The following COBLL1 variants were observed in gnomAD, a reference collection of about 807,000 sequenced individuals.
The protein encoded by COBLL1 is cordon-bleu WH2 repeat protein like 1, also known as cordon-bleu protein-like 1.
A neutral mutation model predicts 94.8 loss-of-function variants in COBLL1; 50 were observed. That is an observed-to-expected ratio of 0.53 (90% CI 0.42 to 0.67). COBLL1 has a LOEUF of 0.67. Ranked by LOEUF, COBLL1 falls within the 30% of genes least tolerant of loss-of-function variation. The pLI, the probability that COBLL1 is intolerant of heterozygous loss-of-function variation, is 0.00. For synonymous variants in COBLL1, 448 were observed against 473.8 expected, an observed-to-expected ratio of 0.95 and a Z score of 0.71; for missense variants, 1,362 against 1,348.7, an observed-to-expected ratio of 1.01 and a Z score of -0.15.
chr2:164,810,275 C>A (rs1684398172), intron 2 of COBLL1, among the ~76,000 whole-genome samples: 1 of 150,904 alleles, frequency 6.6e-6, no homozygotes, highest in Admixed American at 6.6e-5. Flanking sequence ...GGATTTGGGG[C>A]TGGAGAGGTA....
At chr2:164,671,606 C>T (rs538563217) in intron 1 of COBLL1, among the ~76,000 whole-genome samples, 53 of 152,190 alleles carry the variant, frequency 3.5e-4, no homozygotes, top group East Asian at 2.7e-3. Flanking sequence ...TTATTATTTT[C>T]GATATCTGTC....
At chr2:164,813,339 CA>C (rs1684550928) in intron 2 of COBLL1, among the ~76,000 whole-genome samples, 2 of 152,104 alleles carry the variant, frequency 1.3e-5, no homozygotes, top group Admixed American at 1.3e-4. Context: ...AAAGACCTCA[CA>C]GGGGTAACCA....
chr2:164,760,051 T>C (rs2105613816), intron 2 of COBLL1, among the ~76,000 whole-genome samples: 1 of 152,272 alleles, frequency 6.6e-6, no homozygotes, highest in African/African-American at 2.4e-5. Context: ...CTCCTAGGTA[T>C]TTGCACAAGA....
chr2:164,750,860 C>T (rs957950530), intron 2 of COBLL1, among the ~76,000 whole-genome samples: 9 of 152,128 alleles, frequency 5.9e-5, no homozygotes, highest in Admixed American at 6.6e-5. Context: ...AAGGGCAGGG[C>T]CTTACAATCC....
At chr2:164,771,261 T>A (rs1688188931) in intron 2 of COBLL1, among the ~76,000 whole-genome samples, 3 of 152,044 alleles carry the variant, frequency 2.0e-5, no homozygotes, top group Admixed American at 2.0e-4. Flanking sequence ...ACATCAACAG[T>A]ATGACACTTT....
intron 3 of COBLL1, among the ~76,000 whole-genome samples, chr2:164,740,895 A>G (rs1243515954): frequency 2.0e-5 from 3 of 150,746 alleles, no homozygotes; most frequent in Non-Finnish European, 2.9e-5. Flanking sequence ...GAGGGGGGGA[A>G]AAGTTCATAA....
At chr2:164,699,353 T>A in intron 11 of COBLL1, 52 bp downstream of exon 11, 8 of 1,164,326 alleles carry the variant, frequency 6.9e-6, no homozygotes, top group Non-Finnish European at 1.0e-5. Context: ...AGAACTGTCC[T>A]TGGCACATAA....
chr2:164,740,937 T>C (rs915228438), intron 3 of COBLL1, among the ~76,000 whole-genome samples: 10 of 152,160 alleles, frequency 6.6e-5, no homozygotes, highest in Non-Finnish European at 1.0e-4. Context: ...AGAGTATTTG[T>C]AGAAGAACAA....
At position 164,673,213 on chromosome 2, in the gene COBLL1, A is replaced by C. The variant is rs142867079; in HGVS notation, n.127-7312T>G. Among the ~76,000 whole-genome samples, 18 of 152,334 alleles carry C rather than the reference A, an allele frequency of 1.2e-4. No individual in the cohort carries two copies. The East Asian group carries it at 3.5e-3, about 29-fold the overall frequency. On this transcript the variant is annotated intron_variant and non_coding_transcript_variant, in intron 1 of 2. Transcript: ENST00000495084. ...TCTATTAAAATGGAAAAAAGTAATA[A>C]AGCTTAAAATACATAATAAATATAA...
chr2:164,730,052 G>A lies in COBLL1; in HGVS notation c.294C>T (p.Tyr98=). ...CAQYHLNPSS[Y]TIDLLSAEQN... is the part of the protein sequence containing the mutation. ...GTTCAGCTGACAACAGATCGATTGT[G>A]TAACTTGATGGATTTAAGTGATACT... The change falls in exon 4 of 14, where the codon TAC becomes TAT. Residue 98 remains tyrosine (Y), a synonymous_variant. Coordinates refer to ENST00000652658, the MANE Select transcript of COBLL1 (RefSeq NM_001365672.2). 4 of 1,614,010 alleles carry A rather than the reference G, an allele frequency of 2.5e-6. No homozygotes were observed. Among genetic ancestry groups the A allele is most frequent in the Non-Finnish European group, 3.4e-6 (4 of 1,179,940 alleles).
chr2:164,750,049 C>T (rs1170398985), intron 2 of COBLL1, among the ~76,000 whole-genome samples: 1 of 152,204 alleles, frequency 6.6e-6, no homozygotes, highest in Non-Finnish European at 1.5e-5. Context: ...CATTCTCTGC[C>T]TTTTTCTCTT....
chr2:164,807,877 T>C (rs1195596316), intron 2 of COBLL1, among the ~76,000 whole-genome samples: 1 of 152,182 alleles, frequency 6.6e-6, no homozygotes, highest in Non-Finnish European at 1.5e-5. Flanking sequence ...TGAAGTGCAG[T>C]GGCAATATCT....
chr2:164,737,673 T>A (rs539426606), intron 3 of COBLL1, among the ~76,000 whole-genome samples: 83 of 152,314 alleles, frequency 5.4e-4, no homozygotes, highest in African/African-American at 1.9e-3. Flanking sequence ...AATATAAATA[T>A]GACGTGAACT....
intron 7 of COBLL1, among the ~76,000 whole-genome samples, chr2:164,713,932 T>C (rs946545968): frequency 9.2e-5 from 14 of 152,260 alleles, no homozygotes; most frequent in African/African-American, 2.6e-4. Flanking sequence ...TAGCATAATT[T>C]TGTAATACTA....
chr2:164,723,230 C>T (rs1685544710), intron 5 of COBLL1: 1 of 152,108 alleles, frequency 6.6e-6, no homozygotes, highest in African/African-American at 2.4e-5. Context: ...GTTAATAGTG[C>T]TGAAAATTAG....
At chr2:164,817,131 T>A (rs906091678) in intron 2 of COBLL1, among the ~76,000 whole-genome samples, 3 of 152,154 alleles carry the variant, frequency 2.0e-5, no homozygotes, top group African/African-American at 7.2e-5. Flanking sequence ...GAGAACTCAC[T>A]GAGCAAGTGT....
intron 2 of COBLL1, chr2:164,773,616 A>G: frequency 2.2e-6 from 1 of 450,052 alleles, no homozygotes; most frequent in Admixed American, 4.3e-5. Flanking sequence ...AAGGGTAATC[A>G]TAGTTTGAGA....
At chr2:164,824,853 T>G (rs906536318) in intron 2 of COBLL1, among the ~76,000 whole-genome samples, 4 of 152,198 alleles carry the variant, frequency 2.6e-5, no homozygotes, top group African/African-American at 9.6e-5. Context: ...TCAGTTCCAT[T>G]TAAGATCACT....
intron 11 of COBLL1, among the ~76,000 whole-genome samples, chr2:164,698,697 G>A (rs7609045): frequency 0.41 from 62,056 of 151,580 alleles, 14,544 homozygotes; most frequent in African/African-American, 0.64. Flanking sequence ...TAATTTATCT[G>A]ATCCAAGACT....
Sources: gnomAD v4.1 joint callset for allele counts (sites outside exome capture counted in the v4.1 genomes callset) on GRCh38, gnomAD v4.1.1 for gene constraint, MANE v1.5 for transcripts, NCBI Gene and HGNC (gene_info 2026-07-23, HGNC 2026-07-21) for gene names.